The following EHBP1 variants were observed in gnomAD, a reference collection of about 807,000 sequenced individuals.
EHBP1 encodes the protein EH domain-binding protein 1.
EHBP1 carries 55 observed loss-of-function variants against 144.0 expected under a neutral mutation model. The observed-to-expected ratio is 0.38, with a 90% CI of 0.31 to 0.48. EHBP1 has a LOEUF of 0.48. Among genes scored for constraint, EHBP1 ranks in the 20% least tolerant of loss-of-function variants. The pLI is 0.98. For synonymous variants in EHBP1, 469 were observed against 472.7 expected (o/e 0.99, Z 0.10); for missense variants, 1,200 against 1,364.2 (o/e 0.88, Z 1.90).
intron 3 of EHBP1, among the ~76,000 whole-genome samples, chr2:62,753,318 T>C (rs570549707): frequency 6.6e-6 from 1 of 152,336 alleles, no homozygotes; most frequent in East Asian, 1.9e-4. Flanking sequence ...TTAAGAATGT[T>C]GAATATTGGC....
chr2:62,975,887 T>TAC (rs57375651), intron 14 of EHBP1, among the ~76,000 whole-genome samples: 15,254 of 123,528 alleles, frequency 0.12, 932 homozygotes, highest in Non-Finnish European at 0.15. Flanking sequence ...TTACTGTATG[T>TAC]ACACACACAC....
In EHBP1 at chr2:62,861,437, C is replaced by CT. The variant is rs2049538272; in HGVS notation, c.757+2152dup. ...GCCACCGCGCCCAGCCCTTGAGTGG[C>CT]TTTTTTAGAAAGCTACTAAATGTCG... On this transcript the variant is annotated intron_variant, in intron 8 of 22. Transcript: ENST00000431489. Among the ~76,000 whole-genome samples the CT allele has an allele frequency of 2.0e-5, 3 of 149,772 alleles. No homozygotes were observed. In the South Asian group the frequency reaches 6.5e-4, roughly 33 times the overall value.
intron 7 of EHBP1, among the ~76,000 whole-genome samples, chr2:62,841,270 C>T (rs1278041020): frequency 6.9e-6 from 1 of 144,630 alleles, no homozygotes; most frequent in African/African-American, 2.6e-5. Flanking sequence ...TATTCTCACT[C>T]ATAGGTGGGA....
chr2:62,820,714 T>G (rs985349677), intron 5 of EHBP1, among the ~76,000 whole-genome samples: 2 of 124,384 alleles, frequency 1.6e-5, no homozygotes, highest in Admixed American at 8.8e-5. Flanking sequence ...CCATTGGGTG[T>G]GTGTGTGTGT....
At chr2:62,877,512 T>C (rs1415908313) in intron 10 of EHBP1, among the ~76,000 whole-genome samples, 1 of 152,196 alleles carries the variant, frequency 6.6e-6, no homozygotes, top group Non-Finnish European at 1.5e-5. Context: ...AACAGACATC[T>C]ACAGAACACT....
chr2:63,041,312 A>T (rs1367493441), intron 21 of EHBP1, among the ~76,000 whole-genome samples: 1 of 152,172 alleles, frequency 6.6e-6, no homozygotes, highest in Non-Finnish European at 1.5e-5. Context: ...CATCTTTTAG[A>T]TACTTTTCCT....
At chr2:62,844,299 T>G (rs2048136765) in intron 7 of EHBP1, among the ~76,000 whole-genome samples, 1 of 152,168 alleles carries the variant, frequency 6.6e-6, no homozygotes, top group Non-Finnish European at 1.5e-5. Flanking sequence ...TGAGACAGAC[T>G]CCCCTGCTAA....
rs192890237 is a variant in EHBP1 at position 62,751,351 on chromosome 2, A to G, written c.162+3899A>G. On this transcript the variant is annotated intron_variant, in intron 3 of 22. Coordinates refer to ENST00000431489, the MANE Select transcript of EHBP1 (RefSeq NM_001142616.3). ...GATGAAGCCCACTTGATCATGGTGG[A>G]TAAGCTTTTTGATGTGCTGCTGGAT... Among the ~76,000 whole-genome samples the G allele has an allele frequency of 1.7e-3, 265 of 152,264 alleles. 1 individual carries two copies. Among genetic ancestry groups the G allele is most frequent in the African/African-American group, 6.1e-3 (255 of 41,554 alleles).
chr2:62,710,016 T>C (rs2034991563), intron 2 of EHBP1, among the ~76,000 whole-genome samples: 1 of 152,264 alleles, frequency 6.6e-6, no homozygotes, highest in East Asian at 1.9e-4. Flanking sequence ...CTTGTTGTCC[T>C]TATGTCATTT....
chr2:62,914,976 A>G (rs2054492825), intron 10 of EHBP1, among the ~76,000 whole-genome samples: 1 of 152,000 alleles, frequency 6.6e-6, no homozygotes, highest in Non-Finnish European at 1.5e-5. Flanking sequence ...GCCCTTAGAT[A>G]TTACATTTAT....
intron 5 of EHBP1, among the ~76,000 whole-genome samples, chr2:62,789,513 C>T (rs1336090522): frequency 1.3e-5 from 2 of 152,106 alleles, no homozygotes; most frequent in African/African-American, 4.8e-5. Context: ...TTATAAAGGA[C>T]GGTTAGTGCC....
At chr2:63,028,767 C>A (rs2061099012) in intron 19 of EHBP1, among the ~76,000 whole-genome samples, 1 of 152,124 alleles carries the variant, frequency 6.6e-6, no homozygotes, top group Non-Finnish European at 1.5e-5. Flanking sequence ...AGAATCTAAT[C>A]ACAGTCCCAC....
chr2:63,008,585 G>T (rs1222822799), intron 19 of EHBP1, among the ~76,000 whole-genome samples: 2 of 148,456 alleles, frequency 1.3e-5, no homozygotes, highest in Non-Finnish European at 3.0e-5. Flanking sequence ...TTTGTAAGGA[G>T]CAAAAGATAT....
At chr2:63,001,678 T>A (rs556474079) in intron 19 of EHBP1, among the ~76,000 whole-genome samples, 24 of 152,288 alleles carry the variant, frequency 1.6e-4, no homozygotes, top group African/African-American at 5.8e-4. Flanking sequence ...AACACCTTTT[T>A]CAGATGAGGA....
chr2:63,010,097 A>C (rs2060207454), intron 19 of EHBP1, among the ~76,000 whole-genome samples: 1 of 151,502 alleles, frequency 6.6e-6, no homozygotes, highest in Non-Finnish European at 1.5e-5. Flanking sequence ...GAAGGCTAAG[A>C]GTCAACTTTT....
intron 7 of EHBP1, among the ~76,000 whole-genome samples, chr2:62,856,184 G>A (rs1378170497): frequency 6.6e-6 from 1 of 152,196 alleles, no homozygotes; most frequent in Non-Finnish European, 1.5e-5. Context: ...GCAGGGTTAG[G>A]AGAACTGTAA....
chr2:62,773,710 G>C, intron 5 of EHBP1, among the ~76,000 whole-genome samples: 1 of 151,550 alleles, frequency 6.6e-6, no homozygotes, highest in East Asian at 2.0e-4. Flanking sequence ...AATTAGTTGG[G>C]CTTGGTGGCG....
At chr2:62,923,939 A>C (rs2055293626) in intron 10 of EHBP1, among the ~76,000 whole-genome samples, 1 of 152,176 alleles carries the variant, frequency 6.6e-6, no homozygotes. Context: ...TCAACAGGCC[A>C]ACTGAGCAGC....
chr2:63,044,711 C>G (rs1360706732), intron 21 of EHBP1: 1 of 171,440 alleles, frequency 5.8e-6, no homozygotes, highest in Non-Finnish European at 1.2e-5. Context: ...CCTCATTTAC[C>G]CACTTCCCCC....
Sources: gnomAD v4.1 joint callset for allele counts (sites outside exome capture counted in the v4.1 genomes callset) on GRCh38, gnomAD v4.1.1 for gene constraint, MANE v1.5 for transcripts, NCBI Gene and HGNC (gene_info 2026-07-23, HGNC 2026-07-21) for gene names.